Variants in RBFOX1 observed in about 807,000 individuals in gnomAD.
RBFOX1 encodes the protein RNA binding protein fox-1 homolog 1.
A neutral mutation model predicts 57.7 loss-of-function variants in RBFOX1; 8 were observed. That is an observed-to-expected ratio of 0.14 (90% CI 0.08 to 0.25). RBFOX1 has a LOEUF of 0.25. Ranked by LOEUF, RBFOX1 falls within the 10% of genes least tolerant of loss-of-function variation. The pLI is 1.00. For synonymous variants in RBFOX1, 326 were observed against 222.4 expected (o/e 1.47, Z -4.15); for missense variants, 611 against 548.5 (o/e 1.11, Z -1.14).
chr16:7,482,542 ATTTTTTTTTTTTTTTTTT>A (rs1178577326), intron 4 of RBFOX1, among the ~76,000 whole-genome samples: 1 of 77,188 alleles, frequency 1.3e-5, no homozygotes, highest in East Asian at 4.3e-4. Flanking sequence ...ATTGCCTGGG[ATTTTTTTTTTTTTTTTTT>A]TTTTTTTTGG....
chr16:7,609,903 T>C (rs12930685), intron 10 of RBFOX1, among the ~76,000 whole-genome samples: 142,819 of 151,592 alleles, frequency 0.94, 67,953 homozygotes, highest in African/African-American at 0.99. Flanking sequence ...CTGCAAGCTC[T>C]GCCTCCCGGG....
chr16:7,570,641 A>G (rs1044401518), intron 5 of RBFOX1, among the ~76,000 whole-genome samples: 1 of 152,204 alleles, frequency 6.6e-6, no homozygotes, highest in Non-Finnish European at 1.5e-5. Context: ...TCCTTCCCTG[A>G]ATGTACATTA....
chr16:6,605,940 A>G (rs1294308722), intron 2 of RBFOX1, among the ~76,000 whole-genome samples: 1 of 151,882 alleles, frequency 6.6e-6, no homozygotes, highest in African/African-American at 2.4e-5. Flanking sequence ...TCTCTACTAA[A>G]ATTACAGAAA....
intron 4 of RBFOX1, among the ~76,000 whole-genome samples, chr16:5,903,971 T>A (rs535444568): frequency 6.6e-6 from 1 of 152,250 alleles, no homozygotes; most frequent in Admixed American, 6.5e-5. Flanking sequence ...TATGTCACCT[T>A]CGGGCAAAAT....
chr16:5,424,962 T>TTC (rs1258161228), intron 1 of RBFOX1, among the ~76,000 whole-genome samples: 1 of 64,104 alleles, frequency 1.6e-5, no homozygotes, highest in Admixed American at 1.9e-4. Flanking sequence ...CTTTGTTTCT[T>TTC]TCTCTTTCTT....
At chr16:6,415,291 C>T (rs1025201706) in intron 2 of RBFOX1, among the ~76,000 whole-genome samples, 2 of 146,630 alleles carry the variant, frequency 1.4e-5, no homozygotes, top group Admixed American at 1.4e-4. Flanking sequence ...AGAAATCCTA[C>T]AGTGTAACAG....
chr16:6,426,409 G>C (rs1352323773), intron 2 of RBFOX1, among the ~76,000 whole-genome samples: 1 of 152,122 alleles, frequency 6.6e-6, no homozygotes, highest in Admixed American at 6.5e-5. Context: ...GAATGCAGAG[G>C]ACAAGAGGAG....
chr16:6,717,703 A>T (rs970072747), intron 3 of RBFOX1, among the ~76,000 whole-genome samples: 3 of 152,116 alleles, frequency 2.0e-5, no homozygotes, highest in Non-Finnish European at 2.9e-5. Flanking sequence ...TGAAAGTGCC[A>T]GTCACATTGT....
chr16:6,944,562 G>C (rs1255690503), intron 3 of RBFOX1, among the ~76,000 whole-genome samples: 2 of 152,136 alleles, frequency 1.3e-5, no homozygotes, highest in Non-Finnish European at 2.9e-5. Flanking sequence ...AGACCTCTTA[G>C]GAAATGTGTA....
At chr16:6,982,658 A>G (rs536622609) in intron 3 of RBFOX1, among the ~76,000 whole-genome samples, 2 of 152,326 alleles carry the variant, frequency 1.3e-5, no homozygotes, top group South Asian at 2.1e-4. Context: ...GAGTATTCAC[A>G]GTAAATGTAA....
At chr16:6,809,283 C>A (rs955788611) in intron 3 of RBFOX1, among the ~76,000 whole-genome samples, 1 of 152,116 alleles carries the variant, frequency 6.6e-6, no homozygotes, top group Non-Finnish European at 1.5e-5. Flanking sequence ...AATTAAACTT[C>A]TTTAAATTTA....
chr16:5,452,150 G>C (rs1391233636), intron 1 of RBFOX1, among the ~76,000 whole-genome samples: 1 of 119,078 alleles, frequency 8.4e-6, no homozygotes, highest in African/African-American at 3.2e-5. Flanking sequence ...ACAGAGTCTT[G>C]CTCTGTCGCC....
intron 4 of RBFOX1, among the ~76,000 whole-genome samples, chr16:7,102,330 G>T (rs963922657): frequency 6.6e-6 from 1 of 152,170 alleles, no homozygotes; most frequent in Non-Finnish European, 1.5e-5. Flanking sequence ...ATGTGAAGAA[G>T]GATCTGATAC....
intron 2 of RBFOX1, among the ~76,000 whole-genome samples, chr16:6,352,773 C>T (rs1281643508): frequency 6.6e-6 from 1 of 152,212 alleles, no homozygotes; most frequent in Non-Finnish European, 1.5e-5. Context: ...CTGCAAGTTA[C>T]TGCGACGCTG....
In RBFOX1 at chr16:6,924,196, C is replaced by CATAATAATAATAAT. The variant is rs1567902723; in HGVS notation, c.-15-127860_-15-127859insTAATAATAATAATA. 6.1e-3 allele frequency among the ~76,000 whole-genome samples: 771 copies of CATAATAATAATAAT among 126,430 alleles called. 8 individuals are homozygous for CATAATAATAATAAT. The highest frequency in any genetic ancestry group is 0.021 in the African/African-American group (730 of 35,380). The allele number at this position is 126,430 out of a possible 152,430, so 82.9% of individuals were successfully genotyped here. On this transcript the variant is annotated intron_variant, in intron 3 of 15. Coordinates refer to ENST00000550418, the MANE Select transcript of RBFOX1 (RefSeq NM_018723.4). Reference sequence around the variant, plus strand: ...ATAATAATAATAATAATAATAATAGCAATAATGCCACCTGAAACTGGGTAA... The same window carrying CATAATAATAATAAT: ...ATAATAATAATAATAATAATAATAGCATAATAATAATAATAATAATGCCACCTGAAACTGGGTAA...
At chr16:7,295,972 A>G (rs2095879639) in intron 4 of RBFOX1, among the ~76,000 whole-genome samples, 1 of 152,178 alleles carries the variant, frequency 6.6e-6, no homozygotes, top group African/African-American at 2.4e-5. Flanking sequence ...TAAAGAGAAT[A>G]GTTATTCAAG....
intron 1 of RBFOX1, among the ~76,000 whole-genome samples, chr16:5,461,531 TC>T (rs2068788197): frequency 6.6e-6 from 1 of 152,216 alleles, no homozygotes; most frequent in Admixed American, 6.5e-5. Context: ...TGCAGTTTTT[TC>T]TTCCCTTTAA....
At chr16:6,859,799 C>G (rs576675539) in intron 3 of RBFOX1, among the ~76,000 whole-genome samples, 24 of 151,460 alleles carry the variant, frequency 1.6e-4, no homozygotes, top group African/African-American at 5.6e-4. Context: ...GGCATTGATA[C>G]AAGTATATTT....
chr16:5,384,672 G>T (rs1596772798), intron 1 of RBFOX1, among the ~76,000 whole-genome samples: 1 of 152,312 alleles, frequency 6.6e-6, no homozygotes, highest in Non-Finnish European at 1.5e-5. Flanking sequence ...AGTTTTCGGA[G>T]AAGAGCAAAT....
Sources: allele counts gnomAD v4.1 joint callset (sites outside exome capture counted in the v4.1 genomes callset), GRCh38; gene constraint gnomAD v4.1.1; transcripts MANE v1.5; gene names NCBI Gene and HGNC (gene_info 2026-07-23, HGNC 2026-07-21).